Variants in OLFM3 observed in about 807,000 individuals in gnomAD.
OLFM3 encodes the protein noelin-3.
Under a neutral mutation model 48.6 loss-of-function variants are expected in OLFM3, and 20 were observed. The ratio of observed to expected loss-of-function variants is 0.41; its 90% CI spans 0.29 to 0.60. OLFM3 has a LOEUF of 0.60. Ranked by LOEUF, OLFM3 falls within the 20% of genes least tolerant of loss-of-function variation. OLFM3 has a pLI of 0.28. For missense variants in OLFM3, 437 were observed against 544.3 expected, an observed-to-expected ratio of 0.80 and a Z score of 1.96; for synonymous variants, 222 against 198.1, an observed-to-expected ratio of 1.12 and a Z score of -1.01.
At chr1:101,840,832 G>A (rs1418914763) in intron 1 of OLFM3, among the ~76,000 whole-genome samples, 1 of 152,176 alleles carries the variant, frequency 6.6e-6, no homozygotes, top group Non-Finnish European at 1.5e-5. Flanking sequence ...GAACTACTGT[G>A]AAGCTCAGTG....
chr1:101,817,348 T>C (rs566618701), intron 4 of OLFM3, among the ~76,000 whole-genome samples: 1 of 152,268 alleles, frequency 6.6e-6, no homozygotes, highest in African/African-American at 2.4e-5. Context: ...AACATTAGCA[T>C]TTATAAAATA....
chr1:101,901,930 A>G (rs890605276), intron 1 of OLFM3, among the ~76,000 whole-genome samples: 1 of 152,062 alleles, frequency 6.6e-6, no homozygotes. Flanking sequence ...TTCAGAAGTG[A>G]GGTCATAATA....
At chr1:101,817,979 G>A (rs1654417768) in intron 4 of OLFM3, among the ~76,000 whole-genome samples, 2 of 152,034 alleles carry the variant, frequency 1.3e-5, no homozygotes, top group East Asian at 1.9e-4. Context: ...ATTGGATAGA[G>A]CACCGGAATG....
At chr1:101,979,715 G>A (rs891456299) in intron 1 of OLFM3, among the ~76,000 whole-genome samples, 1 of 152,154 alleles carries the variant, frequency 6.6e-6, no homozygotes, top group African/African-American at 2.4e-5. Context: ...GAAATGTGGG[G>A]TTGCAGCCCG....
chr1:101,938,057 T>C (rs1177945152), intron 1 of OLFM3, among the ~76,000 whole-genome samples: 2 of 152,218 alleles, frequency 1.3e-5, no homozygotes, highest in African/African-American at 2.4e-5. Context: ...CTTCTTGCTT[T>C]CTGTTGTGAG....
chr1:101,844,538 G>A (rs937166711), intron 1 of OLFM3, among the ~76,000 whole-genome samples: 1 of 152,180 alleles, frequency 6.6e-6, no homozygotes, highest in Admixed American at 6.5e-5. Flanking sequence ...AATCTGATTG[G>A]TGGCTTAAAT....
At chr1:101,857,784 A>G (rs1656489726) in intron 1 of OLFM3, among the ~76,000 whole-genome samples, 1 of 151,990 alleles carries the variant, frequency 6.6e-6, no homozygotes, top group Non-Finnish European at 1.5e-5. Context: ...GGATTTAAGT[A>G]TGGTTTCCAA....
chr1:101,898,177 T>C (rs1004099898), intron 1 of OLFM3, among the ~76,000 whole-genome samples: 12 of 152,138 alleles, frequency 7.9e-5, no homozygotes, highest in African/African-American at 2.9e-4. Context: ...TTTTCAGTTT[T>C]AGAAGGATGA....
rs746031289 is a variant in OLFM3, at chr1:101,825,178, G to A, written c.440C>T (p.Ala147Val). 1.9e-6 allele frequency: 3 copies of A among 1,614,034 alleles called. No homozygotes were observed. The Admixed American group carries it at 5.0e-5, about 27-fold the overall frequency. ...CTCCTTGAACTGGGTGATTAACTTAGCATCTGTTTTGTACTGTTCCAGCAC... is the reference window on the plus strand; with the variant it reads ...CTCCTTGAACTGGGTGATTAACTTAACATCTGTTTTGTACTGTTCCAGCAC... ...IPVLEQYKTD[A>V]KLITQFKEEI... Residue 147 changes from alanine to valine, a missense_variant, in exon 4 of 6, where the codon GCT (alanine) becomes GTT (valine). By Grantham distance (64) the Ala-to-Val change is moderately conservative. Coordinates refer to ENST00000370103, the MANE Select transcript of OLFM3 (RefSeq NM_058170.4).
At chr1:101,835,518 T>G (rs1315210236) in intron 2 of OLFM3, among the ~76,000 whole-genome samples, 3 of 152,224 alleles carry the variant, frequency 2.0e-5, no homozygotes, top group African/African-American at 7.2e-5. Flanking sequence ...TTTGCCATGT[T>G]GGCCAGGCTG....
At chr1:101,880,088 T>G (rs1657459738) in intron 1 of OLFM3, among the ~76,000 whole-genome samples, 1 of 151,908 alleles carries the variant, frequency 6.6e-6, no homozygotes. Flanking sequence ...ACATAGAGAT[T>G]AACTATTTCT....
intron 1 of OLFM3, among the ~76,000 whole-genome samples, chr1:101,876,433 T>G (rs1376698736): frequency 6.6e-6 from 1 of 152,030 alleles, no homozygotes; most frequent in East Asian, 1.9e-4. Context: ...AAAGTGCTTT[T>G]ACAAAATTAC....
chr1:101,944,808 A>C (rs1659903808), intron 1 of OLFM3, among the ~76,000 whole-genome samples: 1 of 151,838 alleles, frequency 6.6e-6, no homozygotes, highest in Admixed American at 6.6e-5. Flanking sequence ...TGAACCCAGA[A>C]GCCAGAGGTT....
At chr1:101,818,643 T>G (rs1410586347) in intron 4 of OLFM3, among the ~76,000 whole-genome samples, 1 of 152,140 alleles carries the variant, frequency 6.6e-6, no homozygotes, top group Non-Finnish European at 1.5e-5. Flanking sequence ...TGTCTCTTGC[T>G]TTAAGTGCTA....
chr1:101,812,423 T>C (rs1455482424), intron 4 of OLFM3: 3 of 985,256 alleles, frequency 3.0e-6, no homozygotes, highest in Non-Finnish European at 3.6e-6. Flanking sequence ...ATTGCCAGAC[T>C]GAAGCATGAT....
At chr1:101,940,370 A>G (rs1659751992) in intron 1 of OLFM3, among the ~76,000 whole-genome samples, 2 of 143,448 alleles carry the variant, frequency 1.4e-5, no homozygotes, top group Admixed American at 1.4e-4. Context: ...CTCTGCATTC[A>G]GGTTCTTCTC....
At chr1:101,940,513 A>G (rs1207405901) in intron 1 of OLFM3, among the ~76,000 whole-genome samples, 1 of 151,260 alleles carries the variant, frequency 6.6e-6, no homozygotes, top group Non-Finnish European at 1.5e-5. Flanking sequence ...ATCTCTGTCT[A>G]CCTAATATAT....
Position 101,807,549 on chromosome 1 carries a change from T to C in OLFM3, c.593-1367A>G, listed in dbSNP as rs138049734. On this transcript the variant is annotated intron_variant, in intron 4 of 5. Transcript: ENST00000370103. ...CTTGAAGCTTATTTTGGCTCAGTTTTCTCTATATGTGCTTCTTATAAGAAT... is the reference window on the plus strand; with the variant it reads ...CTTGAAGCTTATTTTGGCTCAGTTTCCTCTATATGTGCTTCTTATAAGAAT... Among the ~76,000 whole-genome samples, 569 of 151,926 alleles carry C rather than the reference T, an allele frequency of 3.7e-3. 4 individuals are homozygous for C. The highest frequency in any genetic ancestry group is 0.013 in the African/African-American group (530 of 41,510).
intron 1 of OLFM3, among the ~76,000 whole-genome samples, chr1:101,898,705 C>T (rs138946851): frequency 6.6e-6 from 1 of 152,072 alleles, no homozygotes; most frequent in African/African-American, 2.4e-5. Context: ...AAAAATTAGT[C>T]AGGCATCGTG....
Sources: gnomAD v4.1 joint callset for allele counts (sites outside exome capture counted in the v4.1 genomes callset) on GRCh38, gnomAD v4.1.1 for gene constraint, MANE v1.5 for transcripts, NCBI Gene and HGNC (gene_info 2026-07-23, HGNC 2026-07-21) for gene names.